The following TNNI3K variants were observed in gnomAD, a reference collection of about 807,000 sequenced individuals.
TNNI3K encodes the protein serine/threonine-protein kinase TNNI3K.
TNNI3K carries 140 observed loss-of-function variants against 114.5 expected under a neutral mutation model. The observed-to-expected ratio is 1.22, with a 90% confidence interval of 1.07 to 1.41. TNNI3K has a LOEUF of 1.41. Among genes scored for constraint, TNNI3K ranks in the 40% most tolerant of loss-of-function variants. The pLI is 0.00. For missense variants in TNNI3K, 1,125 were observed against 1,007.6 expected, an observed-to-expected ratio of 1.12 and a Z score of -1.58; for synonymous variants, 347 against 347.5, an observed-to-expected ratio of 1.00 and a Z score of 0.02.
At chr1:74,523,573 G>A (rs1369208728) in intron 23 of TNNI3K, among the ~76,000 whole-genome samples, 4 of 152,206 alleles carry the variant, frequency 2.6e-5, no homozygotes, top group South Asian at 4.1e-4. Context: ...TAGTAATTTC[G>A]GTGAATATTT....
chr1:74,274,135 A>G (rs1002957023), intron 5 of TNNI3K, among the ~76,000 whole-genome samples: 1 of 151,982 alleles, frequency 6.6e-6, no homozygotes, highest in Non-Finnish European at 1.5e-5. Flanking sequence ...TTAATGTTAC[A>G]TGTATTATAT....
rs145625405 is a variant in TNNI3K at position 74,260,590 on chromosome 1, C to T, written c.333+9821C>T. Among the ~76,000 whole-genome samples, 549 of 152,142 alleles carry T rather than the reference C, an allele frequency of 3.6e-3. 5 individuals are homozygous for T. Among genetic ancestry groups the T allele is most frequent in the African/African-American group, 0.012 (516 of 41,518 alleles). ...ATCATATGCAGTACTTAGCAAAATA[C>T]CTAGCATATAGTTAATACTTAATAA... On this transcript the variant is annotated intron_variant, in intron 4 of 24. Coordinates refer to ENST00000326637, the MANE Select transcript of TNNI3K (RefSeq NM_015978.3).
chr1:74,409,285 GT>G (rs1557548926), intron 17 of TNNI3K, among the ~76,000 whole-genome samples: 1 of 152,024 alleles, frequency 6.6e-6, no homozygotes, highest in Non-Finnish European at 1.5e-5. Context: ...ACTCCCCGCT[GT>G]TATGACAAAG....
In TNNI3K at chr1:74,353,367, CTG is replaced by C. The variant is rs762798669; in HGVS notation, c.1027+10_1027+11del. On this transcript the variant is annotated splice_region_variant and intron_variant, in intron 10 of 24. Coordinates refer to ENST00000326637, the MANE Select transcript of TNNI3K (RefSeq NM_015978.3). ...GGAAGGGATGGGCACACTGGTAAGA[CTG>C]TGGTGAAAACACCACTAGTTCTATA... 9.3e-6 allele frequency: 15 copies of C among 1,612,598 alleles called. No homozygotes were observed. The highest frequency in any genetic ancestry group is 1.3e-5 in the Non-Finnish European group (15 of 1,179,524).
At chr1:74,261,761 T>C (rs1306391035) in intron 4 of TNNI3K, among the ~76,000 whole-genome samples, 1 of 152,160 alleles carries the variant, frequency 6.6e-6, no homozygotes, top group Admixed American at 6.6e-5. Flanking sequence ...TTTTGATTCA[T>C]TAACTTATTT....
intron 9 of TNNI3K, among the ~76,000 whole-genome samples, chr1:74,343,674 G>T (rs1259064511): frequency 6.6e-6 from 1 of 152,086 alleles, no homozygotes; most frequent in Admixed American, 6.6e-5. Flanking sequence ...AGTCAGGGTG[G>T]CCACTCAGAT....
Position 74,351,462 on chromosome 1 carries a change from G to A in TNNI3K, c.933-1804G>A, listed in dbSNP as rs1364472510. Among the ~76,000 whole-genome samples the A allele has an allele frequency of 3.9e-5, 6 of 151,930 alleles. No homozygotes were observed. In the East Asian group the frequency reaches 9.7e-4, roughly 25 times the overall value. Reference sequence around the variant, plus strand: ...TATGTGTCTTGGAGTTGCTCTTCTCGGGGAGTATCTTTGTGGCGTTCTCTG... The same window carrying A: ...TATGTGTCTTGGAGTTGCTCTTCTCAGGGAGTATCTTTGTGGCGTTCTCTG... On this transcript the variant is annotated intron_variant, in intron 9 of 24. Transcript: ENST00000326637.
intron 23 of TNNI3K, among the ~76,000 whole-genome samples, chr1:74,515,484 G>A (rs746296107): frequency 1.3e-5 from 2 of 152,204 alleles, no homozygotes; most frequent in Non-Finnish European, 2.9e-5. Context: ...ATGATACTAG[G>A]AAAGGGTGTG....
At chr1:74,383,789 C>T (rs1015280296) in intron 17 of TNNI3K, among the ~76,000 whole-genome samples, 19 of 151,968 alleles carry the variant, frequency 1.3e-4, no homozygotes, top group Non-Finnish European at 2.5e-4. Context: ...GTTCTTTATG[C>T]CAGGTATTGA....
intron 20 of TNNI3K, among the ~76,000 whole-genome samples, chr1:74,455,864 GC>G (rs1667204756): frequency 6.6e-6 from 1 of 152,142 alleles, no homozygotes; most frequent in Non-Finnish European, 1.5e-5. Context: ...TGACTCAAAT[GC>G]TAATCTCTTC....
chr1:74,409,293 A>G (rs965197926), intron 17 of TNNI3K, among the ~76,000 whole-genome samples: 2 of 152,126 alleles, frequency 1.3e-5, no homozygotes, highest in African/African-American at 4.8e-5. Flanking sequence ...CTGTTATGAC[A>G]AAGAGCCATC....
chr1:74,320,969 G>A (rs936839234), intron 5 of TNNI3K, among the ~76,000 whole-genome samples: 1 of 152,172 alleles, frequency 6.6e-6, no homozygotes, highest in African/African-American at 2.4e-5. Context: ...TAGGTGCAAT[G>A]TGAGGAGGAA....
At position 74,492,088 on chromosome 1, in the gene TNNI3K, TC is replaced by T. The variant is rs1284286985; in HGVS notation, c.2182-7del. ...ATTAAACAATTGAAATTGCCCCTCCTCCACTCAGCTGATGTCTCCTGCATCA... is the reference window on the plus strand; with the variant it reads ...ATTAAACAATTGAAATTGCCCCTCCTCACTCAGCTGATGTCTCCTGCATCA... On this transcript the variant is annotated splice_region_variant and splice_polypyrimidine_tract_variant and intron_variant, in intron 22 of 24. Coordinates refer to ENST00000326637, the MANE Select transcript of TNNI3K (RefSeq NM_015978.3). 6.6e-6 allele frequency: 10 copies of T among 1,524,094 alleles called. No individual in the cohort carries two copies. Among genetic ancestry groups the T allele is most frequent in the Admixed American group, 3.6e-5 (2 of 55,968 alleles). The allele number at this position is 1,524,094 out of a possible 1,614,324, so 94.4% of individuals were successfully genotyped here.
intron 11 of TNNI3K, chr1:74,366,596 C>G (rs1662285364): frequency 6.6e-6 from 1 of 151,974 alleles, no homozygotes; most frequent in Non-Finnish European, 1.5e-5. Context: ...TTTCTTAAGG[C>G]ACAGACCTGG....
chr1:74,407,992 A>G, intron 17 of TNNI3K, among the ~76,000 whole-genome samples: 1 of 152,108 alleles, frequency 6.6e-6, no homozygotes, highest in East Asian at 1.9e-4. Flanking sequence ...AATTTGACCT[A>G]CTATTGTGGT....
chr1:74,242,452 A>G (rs1654297094), intron 2 of TNNI3K, among the ~76,000 whole-genome samples: 3 of 152,166 alleles, frequency 2.0e-5, no homozygotes, highest in Admixed American at 1.3e-4. Flanking sequence ...TTCTAAAATT[A>G]TTGCACTATA....
At chr1:74,437,919 T>C (rs1174886877) in intron 19 of TNNI3K, among the ~76,000 whole-genome samples, 2 of 151,828 alleles carry the variant, frequency 1.3e-5, no homozygotes, top group Non-Finnish European at 2.9e-5. Flanking sequence ...AAGCAGTTAG[T>C]TGAGACTCTC....
rs66853287 is a variant in TNNI3K, at chr1:74,257,663, C to CTTTTT, written c.333+6913_333+6917dup. Among the ~76,000 whole-genome samples the CTTTTT allele has an allele frequency of 7.8e-4, 68 of 87,260 alleles. 3 individuals carry two copies. The highest frequency in any genetic ancestry group is 2.7e-3 in the African/African-American group (51 of 18,636). The allele number at this position is 87,260 out of a possible 152,430, so 57.2% of individuals were successfully genotyped here. ...TTGAACTTAGCCTCTTGGCTTACCT[C>CTTTTT]TTTTTTTTTTTTTTTTTTTTTTTGA... is the stretch of plus-strand genomic sequence containing the variant. On this transcript the variant is annotated intron_variant, in intron 4 of 24. Coordinates refer to ENST00000326637, the MANE Select transcript of TNNI3K (RefSeq NM_015978.3).
chr1:74,236,505 A>G (rs1315247157), intron 2 of TNNI3K, among the ~76,000 whole-genome samples: 2 of 151,888 alleles, frequency 1.3e-5, no homozygotes, highest in Non-Finnish European at 2.9e-5. Flanking sequence ...TAATCTTCTC[A>G]GGAATTAGAT....
Sources: allele counts gnomAD v4.1 joint callset (sites outside exome capture counted in the v4.1 genomes callset), GRCh38; gene constraint gnomAD v4.1.1; transcripts MANE v1.5; gene names NCBI Gene and HGNC (gene_info 2026-07-23, HGNC 2026-07-21).